Variants in POLR3B observed in about 807,000 individuals in gnomAD.
POLR3B encodes the protein RNA polymerase III subunit B, also known as DNA-directed RNA polymerase III subunit RPC2.
In POLR3B, 96 loss-of-function variants were observed where a neutral mutation model predicts 147.4. That is an observed-to-expected ratio of 0.65 (90% CI 0.55 to 0.77). The LOEUF (loss-of-function observed/expected upper bound fraction) is 0.77. POLR3B is among the 30% of genes least tolerant of loss of function. The pLI, the probability that POLR3B is intolerant of heterozygous loss-of-function variation, is 0.00. For synonymous variants in POLR3B, 461 were observed against 485.9 expected, an observed-to-expected ratio of 0.95 and a Z score of 0.67; for missense variants, 1,036 against 1,413.5, an observed-to-expected ratio of 0.73 and a Z score of 4.28.
chr12:106,496,118 AC>A lies in POLR3B; in HGVS notation c.2778del (p.Asp926GlufsTer4). On this transcript the variant is annotated frameshift_variant, in exon 24 of 28. Transcript: ENST00000228347. LOFTEE classifies it high-confidence loss of function. ...MPFCDSGICP[D>X]IIMNPHGFPS... ...TTTTGTGATTCTGGCATCTGTCCGG[AC>A]ATCATCATGAACCCACACGGCTTCC... The A allele has an allele frequency of 6.2e-7, 1 of 1,613,128 alleles. No homozygotes were observed. The highest frequency in any genetic ancestry group is 8.5e-7 in the Non-Finnish European group (1 of 1,179,082).
Position 106,427,325 on chromosome 12 carries a change from G to A in POLR3B, c.1230G>A (p.Gln410=). 1 of 1,613,684 alleles carries A rather than the reference G, an allele frequency of 6.2e-7. No individual in the cohort carries two copies. The highest frequency in any genetic ancestry group is 1.1e-5 in the South Asian group (1 of 91,062). Residue 410 remains glutamine (Q), a synonymous_variant, in exon 13 of 28, where the codon CAG becomes CAA. Coordinates refer to ENST00000228347, the MANE Select transcript of POLR3B (RefSeq NM_018082.6). ...TTGTCAAACACATGCGCCAAGACCA[G>A]ATCACCAATGGCATGGTGAATGCTA... ...FDVVKHMRQD[Q]ITNGMVNAIS...
chr12:106,445,902 A>G (rs2037716971), intron 19 of POLR3B, among the ~76,000 whole-genome samples: 1 of 152,228 alleles, frequency 6.6e-6, no homozygotes, highest in Admixed American at 6.5e-5. Context: ...GAGAGTAGAT[A>G]TATTTCTTTT....
chr12:106,435,364 C>T (rs1158821074), intron 16 of POLR3B, among the ~76,000 whole-genome samples: 5 of 151,570 alleles, frequency 3.3e-5, no homozygotes, highest in Admixed American at 2.6e-4. Context: ...AGGCTGGTCT[C>T]GAACTCCTGG....
intron 9 of POLR3B, among the ~76,000 whole-genome samples, chr12:106,389,731 G>A (rs10861594): frequency 0.39 from 59,828 of 151,938 alleles, 14,004 homozygotes; most frequent in African/African-American, 0.66. Flanking sequence ...GTACTCAGAA[G>A]GTTTCAGATT....
intron 27 of POLR3B, among the ~76,000 whole-genome samples, chr12:106,505,232 C>T (rs898302275): frequency 1.3e-5 from 2 of 152,140 alleles, no homozygotes; most frequent in African/African-American, 4.8e-5. Flanking sequence ...CTAAAACACT[C>T]CTGTAGGCAA....
intron 23 of POLR3B, among the ~76,000 whole-genome samples, chr12:106,484,523 G>A (rs1472395320): frequency 6.6e-6 from 1 of 152,100 alleles, no homozygotes; most frequent in Non-Finnish European, 1.5e-5. Flanking sequence ...TTAGTAGGCT[G>A]AGGCAGGAGG....
At chr12:106,481,047 G>T (rs2038260279) in intron 23 of POLR3B, among the ~76,000 whole-genome samples, 2 of 152,168 alleles carry the variant, frequency 1.3e-5, no homozygotes, top group Non-Finnish European at 2.9e-5. Context: ...AGCATTTGAG[G>T]TGAAGGTTTT....
chr12:106,442,666 A>G (rs778859450), intron 18 of POLR3B, among the ~76,000 whole-genome samples: 12 of 151,946 alleles, frequency 7.9e-5, no homozygotes, highest in Non-Finnish European at 1.5e-4. Context: ...TAAGTGGGAG[A>G]TCTTTTACCA....
rs2036408044 is a variant in POLR3B, at chr12:106,357,900, G to C, written c.21G>C (p.Glu7Asp). The C allele has an allele frequency of 1.9e-6, 3 of 1,613,688 alleles. No homozygotes were observed. The highest frequency in any genetic ancestry group is 1.7e-5 in the Admixed American group (1 of 60,034). Residue 7 changes from glutamate to aspartate, a missense_variant, in exon 1 of 28, where the codon GAG becomes GAC. Glu to Asp is a conservative substitution (Grantham distance 45). This residue lies in a region of POLR3B where 150 missense variants were observed against 145.5 expected (regional missense o/e 1.03). Coordinates refer to ENST00000228347, the MANE Select transcript of POLR3B (RefSeq NM_018082.6). ...GCAGCATGGACGTGCTAGCGGAGGA[G>C]TTTGGGAACCTGACTCCGGAGCAGC... is the stretch of plus-strand genomic sequence containing the variant. MDVLAE[E>D]FGNLTPEQLA... is the part of the protein sequence containing the mutation.
At chr12:106,400,770 A>C (rs973638825) in intron 10 of POLR3B, among the ~76,000 whole-genome samples, 5 of 152,220 alleles carry the variant, frequency 3.3e-5, no homozygotes, top group African/African-American at 1.2e-4. Flanking sequence ...ATGGTCTTTG[A>C]AACCAATGAG....
At chr12:106,480,676 A>G (rs1362037928) in intron 23 of POLR3B, among the ~76,000 whole-genome samples, 9 of 152,226 alleles carry the variant, frequency 5.9e-5, no homozygotes, top group Non-Finnish European at 1.2e-4. Context: ...GAATACAGAG[A>G]ACTGACAATT....
chr12:106,474,937 A>C (rs2038144710), intron 23 of POLR3B, among the ~76,000 whole-genome samples: 1 of 137,874 alleles, frequency 7.3e-6, no homozygotes, highest in African/African-American at 3.0e-5. Flanking sequence ...TTGCTTTTCT[A>C]GTTCTTTTAA....
intron 2 of POLR3B, among the ~76,000 whole-genome samples, chr12:106,364,392 G>A (rs1390197193): frequency 1.3e-5 from 2 of 152,226 alleles, no homozygotes; most frequent in African/African-American, 4.8e-5. Context: ...ATGCTAAGAA[G>A]TAATGAGTAC....
At chr12:106,483,681 G>T (rs1280251293) in intron 23 of POLR3B, among the ~76,000 whole-genome samples, 1 of 152,180 alleles carries the variant, frequency 6.6e-6, no homozygotes, top group African/African-American at 2.4e-5. Context: ...GGCCTGTGAA[G>T]GGAGGCCCTT....
At chr12:106,392,901 C>T in intron 9 of POLR3B, 130 bp from the exon 10 acceptor site, 1 of 1,143,844 alleles carries the variant, frequency 8.7e-7, no homozygotes, top group African/African-American at 1.5e-5. Flanking sequence ...TGCCAGATGG[C>T]ACCATTTCTG....
At chr12:106,401,850 A>G (rs1180494642) in intron 10 of POLR3B, among the ~76,000 whole-genome samples, 2 of 152,102 alleles carry the variant, frequency 1.3e-5, no homozygotes, top group Non-Finnish European at 2.9e-5. Context: ...CCCACAGCCA[A>G]TATCATACTG....
intron 15 of POLR3B, 55 bp downstream of exon 15, chr12:106,432,535 G>T (rs1351555711): frequency 4.3e-6 from 6 of 1,391,866 alleles, no homozygotes. Context: ...GAGGGGGAGG[G>T]AATCCATTAT....
intron 6 of POLR3B, 67 bp from the exon 7 acceptor site, chr12:106,376,292 G>A: frequency 1.9e-6 from 2 of 1,069,922 alleles, no homozygotes; most frequent in Non-Finnish European, 2.9e-6. Context: ...TGCATGTTTT[G>A]TATTTTTTGC....
At chr12:106,486,287 C>CA (rs1195017160) in intron 23 of POLR3B, among the ~76,000 whole-genome samples, 2,231 of 28,136 alleles carry the variant, frequency 0.079, 298 homozygotes, top group Non-Finnish European at 0.14. Flanking sequence ...GACTCCGTCT[C>CA]AAAAAAAAAA....
Sources: allele counts gnomAD v4.1 joint callset (sites outside exome capture counted in the v4.1 genomes callset), GRCh38; gene constraint gnomAD v4.1.1; regional missense constraint gnomAD v4.1.1; transcripts MANE v1.5; gene names NCBI Gene and HGNC (gene_info 2026-07-23, HGNC 2026-07-21).